Variants in THAP6 observed in about 807,000 individuals in gnomAD.
The protein encoded by THAP6 is THAP domain-containing protein 6.
In THAP6, 13 loss-of-function variants were observed where a neutral mutation model predicts 20.0. That is an observed-to-expected ratio of 0.65 (90% CI 0.42 to 1.03). THAP6 has a LOEUF of 1.03. THAP6 is among the 50% of genes least tolerant of loss of function. THAP6 has a pLI of 0.00. For synonymous variants in THAP6, 93 were observed against 92.2 expected, an observed-to-expected ratio of 1.01 and a Z score of -0.05; for missense variants, 262 against 261.6, an observed-to-expected ratio of 1.00 and a Z score of -0.01.
chr4:75,533,568 G>A (rs1726753999), downstream of THAP6, among the ~76,000 whole-genome samples: 1 of 152,076 alleles, frequency 6.6e-6, no homozygotes, highest in Admixed American at 6.6e-5. Context: ...TTTTCACAAT[G>A]CTGATAAAGA....
downstream of THAP6, among the ~76,000 whole-genome samples, chr4:75,531,379 G>C (rs1296128640): frequency 6.6e-6 from 1 of 152,186 alleles, no homozygotes; most frequent in African/African-American, 2.4e-5. Context: ...AGCTACACCT[G>C]GTTTCCTCTA....
At chr4:75,534,773 G>T (rs919195048), downstream of THAP6, among the ~76,000 whole-genome samples, 2 of 152,144 alleles carry the variant, frequency 1.3e-5, no homozygotes, top group African/African-American at 4.8e-5. Flanking sequence ...CTTCTCAAAA[G>T]AAGACATTTA....
chr4:75,517,083 A>T (rs940277992), intron 3 of THAP6, 104 bp downstream of exon 3: 2 of 804,538 alleles, frequency 2.5e-6, no homozygotes, highest in Middle Eastern at 3.8e-4. Flanking sequence ...CAGTGGCGCG[A>T]TCTCAGCTCA....
chr4:75,527,527 T>TAGTAGA lies in THAP6; in HGVS notation c.*316_*321dup. ...ATGTCAAATTAGTCACATTAAGCTA[T>TAGTAGA]AGTAGAAGGAATTGGACACTTCTCC... On this transcript the variant is annotated 3_prime_UTR_variant, in exon 5 of 5. Coordinates refer to ENST00000311638, the MANE Select transcript of THAP6 (RefSeq NM_144721.6). The TAGTAGA allele has an allele frequency of 8.9e-7, 1 of 1,122,070 alleles. No individual in the cohort carries two copies. Among genetic ancestry groups the TAGTAGA allele is most frequent in the Non-Finnish European group, 1.1e-6 (1 of 914,724 alleles). 69.5% of individuals were successfully genotyped at this position (1,122,070 alleles called of 1,614,324 possible).
chr4:75,543,489 G>GT (rs1429850635), intron 3 of THAP6, among the ~76,000 whole-genome samples: 1 of 152,184 alleles, frequency 6.6e-6, no homozygotes, highest in Non-Finnish European at 1.5e-5. Flanking sequence ...AAGACAAAAT[G>GT]TGTGCCTCCT....
chr4:75,513,911 C>G (rs1239219051), upstream of THAP6: 3 of 279,376 alleles, frequency 1.1e-5, no homozygotes, highest in Non-Finnish European at 2.0e-5. Flanking sequence ...CTGCCTCAGT[C>G]TACTTCGGCA....
At chr4:75,533,765 A>AT (rs112537370), downstream of THAP6, among the ~76,000 whole-genome samples, 21 of 151,674 alleles carry the variant, frequency 1.4e-4, 1 homozygote, top group East Asian at 9.7e-4. Flanking sequence ...TTTTTTTCAA[A>AT]TTTTTTTTTA....
Position 75,539,807 on chromosome 4 carries a change from G to A in THAP6, c.166-2602G>A, listed in dbSNP as rs72647455. The A allele has an allele frequency of 2.5e-3, 3,857 of 1,534,918 alleles. 2 individuals are homozygous for A. Among genetic ancestry groups the A allele is most frequent in the Non-Finnish European group, 3.1e-3 (3,519 of 1,146,352 alleles). On this transcript the variant is annotated intron_variant, in intron 2 of 4. Coordinates refer to the THAP6 transcript ENST00000502620. Reference sequence around the variant, plus strand: ...GCGTATAAAACGTAGACCATACAATGAGCCATCCACATACTGTTTTTCTTT... The same window carrying A: ...GCGTATAAAACGTAGACCATACAATAAGCCATCCACATACTGTTTTTCTTT...
Position 75,515,442 on chromosome 4 carries a change from G to C in THAP6, c.-11G>C, listed in dbSNP as rs765734565. The C allele has an allele frequency of 1.9e-6, 3 of 1,613,040 alleles. No homozygotes were observed. Among genetic ancestry groups the C allele is most frequent in the Non-Finnish European group, 2.5e-6 (3 of 1,179,104 alleles). The stretch of plus-strand genomic sequence containing the variant: ...TCTAATTTTCTTTCAGTTTTGTTAT[G>C]AGTTGCTAAAATGGTGAAATGCTGC... On this transcript the variant is annotated 5_prime_UTR_variant, in exon 2 of 5. It removes an upstream start codon present in the reference 5' UTR. Transcript: ENST00000311638.
chr4:75,547,068 A>T (rs1436911412), intron 3 of THAP6, among the ~76,000 whole-genome samples: 1 of 152,188 alleles, frequency 6.6e-6, no homozygotes, highest in Non-Finnish European at 1.5e-5. Flanking sequence ...CCCTGGGTAA[A>T]GCCACCTCCT....
At chr4:75,540,600 CT>C (rs1254656479) in intron 2 of THAP6, among the ~76,000 whole-genome samples, 1 of 152,148 alleles carries the variant, frequency 6.6e-6, no homozygotes, top group East Asian at 1.9e-4. Context: ...GGGCCTTGTG[CT>C]TTTTAAAACA....
At chr4:75,519,597 C>T (rs376167839) in intron 3 of THAP6, among the ~76,000 whole-genome samples, 207 of 151,276 alleles carry the variant, frequency 1.4e-3, no homozygotes, top group African/African-American at 4.7e-3. Flanking sequence ...TTTGTTCTTG[C>T]GATAGTTTAC....
chr4:75,514,025 C>T, upstream of THAP6: 1 of 986,188 alleles, frequency 1.0e-6, no homozygotes. Flanking sequence ...AAAGGTGGGG[C>T]TTATCGCCTT....
chr4:75,545,289 C>T (rs1474474367), intron 3 of THAP6, among the ~76,000 whole-genome samples: 1 of 152,152 alleles, frequency 6.6e-6, no homozygotes, highest in African/African-American at 2.4e-5. Flanking sequence ...TGAATGCAGG[C>T]TCTTGTTGAC....
chr4:75,520,677 T>C (rs1725965544), intron 3 of THAP6, among the ~76,000 whole-genome samples: 2 of 152,170 alleles, frequency 1.3e-5, no homozygotes, highest in African/African-American at 2.4e-5. Flanking sequence ...CAAATAAAAT[T>C]GTTGGATCAA....
downstream of THAP6, among the ~76,000 whole-genome samples, chr4:75,533,648 G>A (rs532917196): frequency 2.6e-5 from 4 of 152,274 alleles, no homozygotes; most frequent in South Asian, 6.2e-4. Flanking sequence ...TGGCTGGGGA[G>A]GCCTCACAAT....
chr4:75,540,096 A>G, intron 2 of THAP6: 1 of 1,025,632 alleles, frequency 9.8e-7, no homozygotes, highest in Non-Finnish European at 1.4e-6. Context: ...CTGACAAGCC[A>G]TTTAATCTAT....
intron 2 of THAP6, chr4:75,539,885 G>A (rs758124131): frequency 1.3e-6 from 2 of 1,536,026 alleles, no homozygotes; most frequent in South Asian, 1.2e-5. Context: ...AACAAGAACA[G>A]GAAGAAGAAC....
intron 3 of THAP6, among the ~76,000 whole-genome samples, chr4:75,520,360 G>A (rs1725946321): frequency 6.6e-6 from 1 of 152,100 alleles, no homozygotes; most frequent in South Asian, 2.1e-4. Flanking sequence ...GGGAATTACT[G>A]GTGATGTGGA....
Sources: gnomAD v4.1 joint callset for allele counts (sites outside exome capture counted in the v4.1 genomes callset) on GRCh38, gnomAD v4.1.1 for gene constraint, MANE v1.5 for transcripts, NCBI Gene and HGNC (gene_info 2026-07-23, HGNC 2026-07-21) for gene names.